NAAA: variants seen among roughly 807,000 people sequenced by gnomAD.
NAAA encodes N-acylethanolamine acid amidase, also known as N-acylethanolamine-hydrolyzing acid amidase.
A neutral mutation model predicts 44.8 loss-of-function variants in NAAA; 39 were observed. The ratio of observed to expected loss-of-function variants is 0.87; its 90% CI spans 0.67 to 1.14. The LOEUF (loss-of-function observed/expected upper bound fraction) is 1.14. Among genes scored for constraint, NAAA ranks in the 50% most tolerant of loss-of-function variants. NAAA has a pLI of 0.00. For missense variants in NAAA, 460 were observed against 467.8 expected, an observed-to-expected ratio of 0.98 and a Z score of 0.15; for synonymous variants, 178 against 191.3, an observed-to-expected ratio of 0.93 and a Z score of 0.58.
intron 9 of NAAA, chr4:75,916,430 G>T (rs1282708438): frequency 1.3e-5 from 2 of 152,238 alleles, no homozygotes; most frequent in Non-Finnish European, 1.5e-5. Context: ...ACACTACTTG[G>T]TAAACTGTTT....
rs191476091 is a variant in NAAA at position 75,919,266 on chromosome 4, T to A, written c.970-477A>T. The A allele has an allele frequency of 6.5e-3, 1,059 of 162,318 alleles. 7 individuals carry two copies. Among genetic ancestry groups the A allele is most frequent in the African/African-American group, 0.024 (1,017 of 41,692 alleles). The allele number at this position is 162,318 out of a possible 1,614,324, so 10.1% of individuals were successfully genotyped here. On this transcript the variant is annotated intron_variant, in intron 8 of 10. Coordinates refer to ENST00000286733, the MANE Select transcript of NAAA (RefSeq NM_014435.4). The stretch of plus-strand genomic sequence containing the variant: ...CATGTTGGCCAGGCTGGTCTCGAAG[T>A]CCTGACCTCAAGTGATCCTCCTGCC...
chr4:75,914,530 C>T (rs1183814322), intron 10 of NAAA, among the ~76,000 whole-genome samples, 192 bp from the exon 11 acceptor site: 1 of 151,988 alleles, frequency 6.6e-6, no homozygotes, highest in Non-Finnish European at 1.5e-5. Flanking sequence ...CCCACCACCA[C>T]ACCTGGCTAA....
At chr4:75,927,732 C>T (rs895067942) in intron 4 of NAAA, among the ~76,000 whole-genome samples, 4 of 141,454 alleles carry the variant, frequency 2.8e-5, no homozygotes, top group African/African-American at 1.1e-4. Context: ...TTAGATTGTG[C>T]ACACATGATC....
rs1191957124 is a variant in NAAA at position 75,919,892 on chromosome 4, A to C, written c.969+17T>G. 8.1e-6 allele frequency: 13 copies of C among 1,603,774 alleles called. No homozygotes were observed. Among genetic ancestry groups the C allele is most frequent in the East Asian group, 4.5e-5 (2 of 44,840 alleles). On this transcript the variant is annotated intron_variant, in intron 8 of 10. Transcript: ENST00000286733. Reference sequence around the variant, plus strand: ...ACCAAACATCCTAGGTATGCAGGACACTGTGACACAAGTTACCTGGAAAAG... The same window carrying C: ...ACCAAACATCCTAGGTATGCAGGACCCTGTGACACAAGTTACCTGGAAAAG...
chr4:75,929,976 C>T (rs1336948529), intron 4 of NAAA, among the ~76,000 whole-genome samples: 1 of 152,062 alleles, frequency 6.6e-6, no homozygotes, highest in East Asian at 1.9e-4. Flanking sequence ...GTAATCCCAG[C>T]TACTCAGGAA....
chr4:75,934,746 T>C (rs1318835194), intron 3 of NAAA: 1 of 152,178 alleles, frequency 6.6e-6, no homozygotes, highest in Non-Finnish European at 1.5e-5. Flanking sequence ...AGAAAAGCAA[T>C]ACCCAAGTGT....
chr4:75,929,834 A>G (rs1310355961), intron 4 of NAAA, among the ~76,000 whole-genome samples: 1 of 152,188 alleles, frequency 6.6e-6, no homozygotes, highest in Non-Finnish European at 1.5e-5. Context: ...TCACGCCTGT[A>G]ATCCCAGCAC....
At chr4:75,916,354 T>C (rs1446883386) in intron 9 of NAAA, 1 of 152,258 alleles carries the variant, frequency 6.6e-6, no homozygotes, top group Non-Finnish European at 1.5e-5. Context: ...GTGTTAATTC[T>C]GGCTCCATGG....
chr4:75,920,916 G>A (rs755297735), intron 6 of NAAA, 35 bp downstream of exon 6: 1 of 1,613,372 alleles, frequency 6.2e-7, no homozygotes, highest in South Asian at 1.1e-5. Flanking sequence ...ATGATTATCT[G>A]ATACAAAATG....
chr4:75,920,933 G>A lies in NAAA; in HGVS notation c.839+18C>T, dbSNP rs1726095422. The A allele has an allele frequency of 1.2e-6, 2 of 1,613,526 alleles. No homozygotes were observed. The highest frequency in any genetic ancestry group is 1.7e-6 in the Non-Finnish European group (2 of 1,179,926). On this transcript the variant is annotated intron_variant, in intron 6 of 10. Transcript: ENST00000286733. ...GATTATCTGATACAAAATGACCAGA[G>A]CTTTCAATTCTACTTACGCTCCATT...
downstream of NAAA, among the ~76,000 whole-genome samples, chr4:75,911,092 C>T (rs558368776): frequency 1.7e-4 from 25 of 150,816 alleles, 1 homozygote; most frequent in South Asian, 6.3e-4. Context: ...TTCACAAGGG[C>T]GGGGGAATAT....
In NAAA at chr4:75,916,020, C is replaced by T. The variant is rs111577919; in HGVS notation, c.999-1035G>A. ...CAGCACTGTAAGCAAGTGCAGAGCT[C>T]GTCCAAGGGTAATGGAGGTTCCCTG... On this transcript the variant is annotated intron_variant, in intron 9 of 10. Transcript: ENST00000286733. Among the ~76,000 whole-genome samples, 8 of 152,298 alleles carry T rather than the reference C, an allele frequency of 5.3e-5. 1 individual carries two copies. The highest frequency in any genetic ancestry group is 1.9e-4 in the African/African-American group (8 of 41,550).
chr4:75,939,932 C>T, intron 2 of NAAA, 69 bp downstream of exon 2: 1 of 1,565,226 alleles, frequency 6.4e-7, no homozygotes, highest in Non-Finnish European at 8.7e-7. Context: ...AAATATGTCT[C>T]CTCCCGCTAG....
At chr4:75,922,814 TTG>T (rs1342664536) in intron 5 of NAAA, among the ~76,000 whole-genome samples, 3 of 152,228 alleles carry the variant, frequency 2.0e-5, no homozygotes, top group African/African-American at 7.2e-5. Context: ...GATGAAATAT[TTG>T]TTTGCTTATG....
At chr4:75,925,163 G>C (rs1193554045) in intron 5 of NAAA, among the ~76,000 whole-genome samples, 1 of 152,144 alleles carries the variant, frequency 6.6e-6, no homozygotes, top group African/African-American at 2.4e-5. Context: ...AGCCTCGCGA[G>C]TAGCTGGGAT....
At chr4:75,920,125 G>A in intron 7 of NAAA, 150 bp from the exon 8 acceptor site, 1 of 754,614 alleles carries the variant, frequency 1.3e-6, no homozygotes, top group East Asian at 2.6e-5. Context: ...TTCCTGCTGA[G>A]GCCCAGCCCA....
intron 2 of NAAA, among the ~76,000 whole-genome samples, chr4:75,937,214 T>A (rs747429418): frequency 7.9e-5 from 12 of 151,870 alleles, no homozygotes; most frequent in Non-Finnish European, 1.5e-4. Flanking sequence ...AGGTCAGGAG[T>A]TTGAGACCAG....
intron 5 of NAAA, 74 bp downstream of exon 5, chr4:75,925,661 C>T: frequency 1.4e-6 from 2 of 1,410,482 alleles, no homozygotes; most frequent in Non-Finnish European, 2.0e-6. Flanking sequence ...TTAAAAGCAA[C>T]ATTGTTAAAT....
At position 75,914,916 on chromosome 4, in the gene NAAA, C is replaced by T. The variant is rs776706332; in HGVS notation, c.1068G>A (p.Pro356=). ...PDKYMTRIRN[P]SRK is the part of the protein sequence containing the mutation. The stretch of plus-strand genomic sequence containing the variant: ...CTCTTCTGCTGACTTACTTTCTACT[C>T]GGGTTTCTGATCCTAGTCATGTACT... Residue 356 remains proline, a synonymous_variant, in exon 10 of 11, where the codon CCG becomes CCA. Transcript: ENST00000286733. The T allele has an allele frequency of 9.9e-6, 16 of 1,614,088 alleles. No individual in the cohort carries two copies. The highest frequency in any genetic ancestry group is 1.7e-4 in the Middle Eastern group (1 of 6,060).
Sources: allele counts gnomAD v4.1 joint callset (sites outside exome capture counted in the v4.1 genomes callset), GRCh38; gene constraint gnomAD v4.1.1; transcripts MANE v1.5; gene names NCBI Gene and HGNC (gene_info 2026-07-23, HGNC 2026-07-21).